Variants in PCNX1 observed in about 807,000 individuals in gnomAD.
The protein encoded by PCNX1 is pecanex-like protein 1.
PCNX1 carries 78 observed loss-of-function variants against 242.2 expected under a neutral mutation model. That is an observed-to-expected ratio of 0.32 (90% CI 0.27 to 0.39). The LOEUF (loss-of-function observed/expected upper bound fraction) is 0.39. Ranked by LOEUF, PCNX1 falls within the 10% of genes least tolerant of loss-of-function variation. The pLI is 1.00. For synonymous variants in PCNX1, 1,024 were observed against 1,032.9 expected (o/e 0.99, Z 0.17); for missense variants, 2,581 against 2,856.5 (o/e 0.90, Z 2.20).
chr14:71,008,517 G>A (rs1205530464), intron 8 of PCNX1, among the ~76,000 whole-genome samples: 3 of 151,898 alleles, frequency 2.0e-5, no homozygotes, highest in Non-Finnish European at 4.4e-5. Context: ...TTAGCCGGGC[G>A]TGGTGGCGGG....
intron 28 of PCNX1, among the ~76,000 whole-genome samples, chr14:71,079,678 C>G (rs1000401763): frequency 2.0e-5 from 3 of 152,044 alleles, no homozygotes; most frequent in Non-Finnish European, 4.4e-5. Context: ...TAAATGTCTT[C>G]TTTTGAGAAG....
intron 2 of PCNX1, among the ~76,000 whole-genome samples, chr14:70,948,739 GTATATGTACA>G (rs1356909349): frequency 2.8e-5 from 4 of 142,078 alleles, no homozygotes; most frequent in South Asian, 2.2e-4. Flanking sequence ...ATATATATGT[GTATATGTACA>G]TATATGTACA....
intron 1 of PCNX1, among the ~76,000 whole-genome samples, chr14:70,923,670 C>G (rs979445860): frequency 3.9e-5 from 6 of 152,272 alleles, no homozygotes; most frequent in African/African-American, 1.4e-4. Flanking sequence ...TTCCCCACCC[C>G]CCACTTAATA....
intron 25 of PCNX1, 86 bp downstream of exon 25, chr14:71,055,648 AATCCTCT>A: frequency 2.7e-6 from 2 of 743,054 alleles, no homozygotes; most frequent in Non-Finnish European, 4.5e-6. Context: ...ACTTGTTGGG[AATCCTCT>A]ATGAATCCCA....
intron 3 of PCNX1, 91 bp from the exon 4 acceptor site, chr14:70,968,107 A>G (rs2058435797): frequency 2.3e-6 from 2 of 869,562 alleles, no homozygotes; most frequent in Admixed American, 1.9e-5. Flanking sequence ...TTTTGATCAT[A>G]TAATTTTGTT....
At chr14:71,024,969 CAT>C (rs1422891867) in intron 13 of PCNX1, among the ~76,000 whole-genome samples, 2 of 152,176 alleles carry the variant, frequency 1.3e-5, no homozygotes, top group Non-Finnish European at 2.9e-5. Flanking sequence ...ATAAATACCT[CAT>C]AGAGAGATAC....
chr14:71,057,629 T>A lies in PCNX1; in HGVS notation c.4757T>A (p.Phe1586Tyr). 1.2e-6 allele frequency: 2 copies of A among 1,613,356 alleles called. No individual in the cohort carries two copies. The highest frequency in any genetic ancestry group is 1.7e-6 in the Non-Finnish European group (2 of 1,179,262). The change falls in exon 26 of 36, where the codon TTC (phenylalanine) becomes TAC (tyrosine). Residue 1586 changes from phenylalanine to tyrosine, a missense_variant. Physicochemically the swap from Phe to Tyr is conservative, Grantham distance 22. Around this residue, in one of 9 missense-constraint regions of PCNX1, gnomAD observed 54 missense variants for 45.3 expected, o/e 1.19. Transcript: ENST00000304743. ...GGAAACTACAGTACAGGGGACTGTT[T>A]CATCCTTGCCTCTGACTATCTCAAT... ...RWGNYSTGDCFILASDYLNAL... is the reference protein window; with the variant it reads ...RWGNYSTGDCYILASDYLNAL...
At chr14:70,922,859 A>T (rs750476521) in intron 1 of PCNX1, among the ~76,000 whole-genome samples, 3 of 152,052 alleles carry the variant, frequency 2.0e-5, no homozygotes, top group Non-Finnish European at 4.4e-5. Flanking sequence ...AGTTTATAAA[A>T]ATTACTGGGT....
chr14:71,090,462 TA>T (rs1172879676), intron 30 of PCNX1, among the ~76,000 whole-genome samples: 2 of 152,326 alleles, frequency 1.3e-5, no homozygotes, highest in East Asian at 3.9e-4. Context: ...GGAATTAAGT[TA>T]AAAACCTCAC....
At chr14:70,913,756 A>G (rs1260317851) in intron 1 of PCNX1, among the ~76,000 whole-genome samples, 1 of 152,222 alleles carries the variant, frequency 6.6e-6, no homozygotes, top group Non-Finnish European at 1.5e-5. Flanking sequence ...AGGGTGACTA[A>G]AACAGGGATT....
chr14:71,106,383 A>G (rs896975675), intron 33 of PCNX1, among the ~76,000 whole-genome samples: 1 of 152,194 alleles, frequency 6.6e-6, no homozygotes, highest in African/African-American at 2.4e-5. Flanking sequence ...CTGTTGGACA[A>G]TTACTTGGTT....
intron 31 of PCNX1, among the ~76,000 whole-genome samples, chr14:71,102,807 G>A (rs886262973): frequency 6.6e-6 from 1 of 151,676 alleles, no homozygotes; most frequent in Non-Finnish European, 1.5e-5. Context: ...ATGCAATTTG[G>A]GCAGCATCTC....
intron 1 of PCNX1, among the ~76,000 whole-genome samples, chr14:70,919,315 C>T (rs576912510): frequency 6.6e-6 from 1 of 152,238 alleles, no homozygotes; most frequent in East Asian, 1.9e-4. Flanking sequence ...GCATACTGCA[C>T]TAACATATTG....
At chr14:71,000,870 G>A (rs2059485501) in intron 8 of PCNX1, among the ~76,000 whole-genome samples, 1 of 152,072 alleles carries the variant, frequency 6.6e-6, no homozygotes, top group Non-Finnish European at 1.5e-5. Flanking sequence ...TTGTCACTTA[G>A]ATGTATGTGA....
At chr14:71,095,006 T>G (rs1244236776) in intron 30 of PCNX1, among the ~76,000 whole-genome samples, 5 of 152,218 alleles carry the variant, frequency 3.3e-5, no homozygotes. Context: ...ATGTACACAG[T>G]ACTTTCATAT....
chr14:71,114,267 A>G lies in PCNX1; in HGVS notation c.*4332A>G, dbSNP rs191310808. The G allele has an allele frequency of 1.4e-4, 21 of 152,216 alleles. No individual in the cohort carries two copies. The East Asian group carries it at 3.9e-3, about 28-fold the overall frequency. The allele number at this position is 152,216 out of a possible 1,614,324, so 9.4% of individuals were successfully genotyped here. On this transcript the variant is annotated 3_prime_UTR_variant, in exon 36 of 36. Transcript: ENST00000304743. ...AGCCAATCGTTTTCTCCATTTATCT[A>G]TCTTTTTTGTTTGTTTTTAATTTGG...
intron 2 of PCNX1, among the ~76,000 whole-genome samples, chr14:70,955,001 A>G (rs998284466): frequency 1.3e-5 from 2 of 152,256 alleles, no homozygotes; most frequent in Middle Eastern, 3.2e-3. Flanking sequence ...TGTGCGTGGT[A>G]CATTGTGGCT....
chr14:70,958,468 T>TA (rs1376099473), intron 2 of PCNX1, among the ~76,000 whole-genome samples: 7 of 152,340 alleles, frequency 4.6e-5, no homozygotes, highest in African/African-American at 1.7e-4. Context: ...CTACTCACAT[T>TA]ACTGAAAAGT....
In PCNX1 at chr14:71,106,925, C is replaced by A. The variant is rs369782403; in HGVS notation, c.6301+1485C>A. On this transcript the variant is annotated intron_variant, in intron 33 of 35. Transcript: ENST00000304743. The stretch of plus-strand genomic sequence containing the variant: ...CTTACTGTGAAGAGTTACTTGCCTT[C>A]TTCTGATGAGAAGTCCTTAGTTTTA... 3.5e-3 allele frequency among the ~76,000 whole-genome samples: 539 copies of A among 152,304 alleles called. 1 individual carries two copies. Among genetic ancestry groups the A allele is most frequent in the African/African-American group, 0.013 (523 of 41,566 alleles).
Sources: allele counts gnomAD v4.1 joint callset (sites outside exome capture counted in the v4.1 genomes callset), GRCh38; gene constraint gnomAD v4.1.1; regional missense constraint gnomAD v4.1.1; transcripts MANE v1.5; gene names NCBI Gene and HGNC (gene_info 2026-07-23, HGNC 2026-07-21).